The following PLEKHA8 variants were observed in gnomAD, a reference collection of about 807,000 sequenced individuals.
PLEKHA8 encodes the protein pleckstrin homology domain containing A8.
In PLEKHA8, 36 loss-of-function variants were observed where a neutral mutation model predicts 68.2. The observed-to-expected ratio is 0.53, with a 90% CI of 0.40 to 0.70. The LOEUF is 0.70. Ranked by LOEUF, PLEKHA8 falls within the 30% of genes least tolerant of loss-of-function variation. PLEKHA8 has a pLI of 0.00. For synonymous variants in PLEKHA8, 211 were observed against 216.1 expected (o/e 0.98, Z 0.20); for missense variants, 505 against 615.4 (o/e 0.82, Z 1.90).
At chr7:30,029,632 T>A (rs1033019389) in intron 1 of PLEKHA8, among the ~76,000 whole-genome samples, 5 of 152,234 alleles carry the variant, frequency 3.3e-5, no homozygotes, top group African/African-American at 1.2e-4. Context: ...TGCTAGCCAC[T>A]TTTTTGGAAG....
At chr7:30,043,606 C>T (rs1031030303) in intron 1 of PLEKHA8, among the ~76,000 whole-genome samples, 1 of 152,104 alleles carries the variant, frequency 6.6e-6, no homozygotes, top group Admixed American at 6.6e-5. Context: ...CTGAGTATTG[C>T]ACTTTCTGGA....
downstream of PLEKHA8, among the ~76,000 whole-genome samples, chr7:30,087,801 C>T (rs1311866950): frequency 6.6e-6 from 1 of 152,226 alleles, no homozygotes; most frequent in Non-Finnish European, 1.5e-5. Context: ...CCAGACTCAA[C>T]ACATCTCTGC....
intron 1 of PLEKHA8, among the ~76,000 whole-genome samples, chr7:30,032,676 G>A (rs571724766): frequency 1.3e-5 from 2 of 152,194 alleles, no homozygotes; most frequent in Non-Finnish European, 2.9e-5. Flanking sequence ...GTTTGACCTA[G>A]AATAGCAGAC....
downstream of PLEKHA8, among the ~76,000 whole-genome samples, chr7:30,093,498 A>G (rs7805956): frequency 3.5e-4 from 53 of 152,352 alleles, no homozygotes; most frequent in African/African-American, 1.3e-3. Flanking sequence ...GACAGAGCGG[A>G]GGCTGGAATC....
chr7:30,029,997 T>TAAG (rs1790536988), intron 1 of PLEKHA8, among the ~76,000 whole-genome samples: 3 of 152,216 alleles, frequency 2.0e-5, no homozygotes, highest in African/African-American at 7.2e-5. Flanking sequence ...GAAGAGGTTT[T>TAAG]TCTTGTTTGC....
chr7:30,073,563 T>TAAAAAAAAAAAAAAAAAAAAAA (rs35738941), intron 12 of PLEKHA8, among the ~76,000 whole-genome samples: 12 of 111,760 alleles, frequency 1.1e-4, no homozygotes, highest in African/African-American at 4.3e-4. Context: ...TTGTGTTTCT[T>TAAAAAAAAAAAAAAAAAAAAAA]AAAAAAAAAA....
intron 13 of PLEKHA8, among the ~76,000 whole-genome samples, chr7:30,109,910 T>C (rs1458134246): frequency 6.6e-6 from 1 of 152,028 alleles, no homozygotes; most frequent in East Asian, 1.9e-4. Flanking sequence ...CAAGCAATTA[T>C]TCACATTTCA....
intron 13 of PLEKHA8, among the ~76,000 whole-genome samples, chr7:30,105,754 T>C (rs1796031878): frequency 6.6e-6 from 1 of 152,268 alleles, no homozygotes; most frequent in African/African-American, 2.4e-5. Flanking sequence ...CTCCAGGTAT[T>C]GCTTGTTCAT....
intron 8 of PLEKHA8, 26 bp from the exon 9 acceptor site, chr7:30,055,231 C>T: frequency 1.3e-6 from 2 of 1,594,862 alleles, no homozygotes; most frequent in Non-Finnish European, 1.7e-6. Flanking sequence ...TCAATCTTTT[C>T]TCCTCCATAT....
chr7:30,114,058 C>T (rs779617315), intron 13 of PLEKHA8, among the ~76,000 whole-genome samples: 1 of 152,102 alleles, frequency 6.6e-6, no homozygotes, highest in Non-Finnish European at 1.5e-5. Context: ...ACCACCATGA[C>T]TGGCTAATTT....
rs1235570883 is a variant in PLEKHA8 at position 30,082,208 on chromosome 7, A to G, written c.*3421A>G. The G allele has an allele frequency of 2.2e-5, 22 of 985,134 alleles. No individual in the cohort carries two copies. The highest frequency in any genetic ancestry group is 2.7e-5 in the Non-Finnish European group (22 of 829,898). The allele number at this position is 985,134 out of a possible 1,614,324, so 61.0% of individuals were successfully genotyped here. A position where few individuals can be genotyped will look rare whatever the true frequency, so the allele number is the denominator to read the frequency against. ...TTATTCTGATTATTAAACTTCCCCC[A>G]ATGTCATATTCCATGATGAGGGATT... On this transcript the variant is annotated 3_prime_UTR_variant, in exon 14 of 14. Transcript: ENST00000449726.
intron 13 of PLEKHA8, among the ~76,000 whole-genome samples, chr7:30,103,972 A>C (rs985278913): frequency 6.6e-6 from 1 of 150,506 alleles, no homozygotes; most frequent in African/African-American, 2.4e-5. Flanking sequence ...TGGCTGAGAA[A>C]AGCTTGTATC....
chr7:30,091,223 C>T (rs952381784), downstream of PLEKHA8, among the ~76,000 whole-genome samples: 15 of 151,118 alleles, frequency 9.9e-5, no homozygotes, highest in African/African-American at 3.2e-4. Flanking sequence ...AAGTGGATTA[C>T]GATTATTTTT....
chr7:30,089,352 C>T (rs1369897513), downstream of PLEKHA8, among the ~76,000 whole-genome samples: 1 of 148,428 alleles, frequency 6.7e-6, no homozygotes, highest in Non-Finnish European at 1.5e-5. Context: ...CCACTCCAGA[C>T]CACCCCCACA....
At chr7:30,117,127 G>C (rs1159580669) in intron 13 of PLEKHA8, among the ~76,000 whole-genome samples, 1 of 152,214 alleles carries the variant, frequency 6.6e-6, no homozygotes, top group African/African-American at 2.4e-5. Flanking sequence ...GAAATTGTGA[G>C]AGGCAGGCAG....
intron 12 of PLEKHA8, among the ~76,000 whole-genome samples, chr7:30,064,656 A>T (rs1229245387): frequency 2.0e-5 from 3 of 152,338 alleles, no homozygotes; most frequent in African/African-American, 7.2e-5. Flanking sequence ...ATATGAAGTT[A>T]ATAACCTGCC....
chr7:30,034,136 G>A (rs1790880526), intron 1 of PLEKHA8, among the ~76,000 whole-genome samples: 1 of 139,798 alleles, frequency 7.2e-6, no homozygotes, highest in Non-Finnish European at 1.5e-5. Flanking sequence ...AGCCTCCTGA[G>A]TACCTAGGAC....
intron 7 of PLEKHA8, among the ~76,000 whole-genome samples, chr7:30,053,257 A>T (rs886492718): frequency 5.3e-5 from 8 of 152,182 alleles, no homozygotes; most frequent in Admixed American, 3.3e-4. Context: ...GTCAGAATTC[A>T]CCAGTCACCA....
At chr7:30,044,704 G>A (rs1791812149) in intron 1 of PLEKHA8, among the ~76,000 whole-genome samples, 1 of 152,118 alleles carries the variant, frequency 6.6e-6, no homozygotes, top group South Asian at 2.1e-4. Context: ...GTATGTTCAG[G>A]ACATCCTAAT....
Sources: allele counts gnomAD v4.1 joint callset (sites outside exome capture counted in the v4.1 genomes callset), GRCh38; gene constraint gnomAD v4.1.1; transcripts MANE v1.5; gene names NCBI Gene and HGNC (gene_info 2026-07-23, HGNC 2026-07-21).